Variants in ALOX12B observed in about 807,000 individuals in gnomAD.
ALOX12B encodes arachidonate 12-lipoxygenase, 12R type.
A neutral mutation model predicts 78.9 loss-of-function variants in ALOX12B; 47 were observed. That is an observed-to-expected ratio of 0.60 (90% confidence interval 0.47 to 0.76). The LOEUF (loss-of-function observed/expected upper bound fraction) is 0.76, where lower values mean the gene tolerates loss of function less well. Ranked by LOEUF, ALOX12B falls within the 30% of genes least tolerant of loss-of-function variation. ALOX12B has a pLI of 0.00. For synonymous variants in ALOX12B, 370 were observed against 374.5 expected (o/e 0.99, Z 0.14); for missense variants, 805 against 922.6 (o/e 0.87, Z 1.65).
In ALOX12B at chr17:8,079,365, T is replaced by TCAGCGG; in HGVS notation, c.1071+25_1071+30dup. 6.5e-7 allele frequency: 1 copy of TCAGCGG among 1,550,308 alleles called. No homozygotes were observed. Among genetic ancestry groups the TCAGCGG allele is most frequent in the Non-Finnish European group, 8.7e-7 (1 of 1,147,372 alleles). The stretch of plus-strand genomic sequence containing the variant: ...GAGGAGCATTCGCGCACACAGAGGC[T>TCAGCGG]CAGCGGCAGCGCCGCCTGCAGCCCA... On this transcript the variant is annotated intron_variant, in intron 8 of 14. Coordinates refer to ENST00000647874, the MANE Select transcript of ALOX12B (RefSeq NM_001139.3). The surrounding 1 kb of genome is among the most constrained non-coding windows in gnomAD (Gnocchi z 6.4).
Position 8,074,715 on chromosome 17 carries a change from G to A in ALOX12B, c.1654+880C>T, listed in dbSNP as rs555182886. ...CTTAACCAGGCTGTGCAGCCTGGCC[G>A]TGGCTCACGGCCTCAGCCTCAGCCC... On this transcript the variant is annotated intron_variant, in intron 12 of 14. Coordinates refer to ENST00000647874, the MANE Select transcript of ALOX12B (RefSeq NM_001139.3). Among the ~76,000 whole-genome samples, 4 of 152,246 alleles carry A rather than the reference G, an allele frequency of 2.6e-5. No individual in the cohort carries two copies. In the East Asian group the frequency reaches 5.8e-4, roughly 22 times the overall value.
In ALOX12B at chr17:8,087,514, C is replaced by G. The variant is rs574451734; in HGVS notation, c.-72G>C. The G allele has an allele frequency of 1.1e-4, 177 of 1,609,034 alleles. No homozygotes were observed. The African/African-American group carries it at 2.0e-3, about 18-fold the overall frequency. ...GGAGGGGCCACACGAAGGCCCAAGGCAGGCAAGAGAAGCCAGGCACAGAGT... is the reference window on the plus strand; with the variant it reads ...GGAGGGGCCACACGAAGGCCCAAGGGAGGCAAGAGAAGCCAGGCACAGAGT... On this transcript the variant is annotated 5_prime_UTR_variant, in exon 1 of 15. Transcript: ENST00000647874.
In ALOX12B at chr17:8,079,938, T is replaced by C. The variant is rs1348254566; in HGVS notation, c.758A>G (p.Tyr253Cys). The change falls in exon 7 of 15, where the codon TAC (tyrosine) becomes TGC (cysteine). Residue 253 changes from tyrosine to cysteine, a missense_variant. Transcript: ENST00000647874. The surrounding 1 kb of genome is among the most constrained non-coding windows in gnomAD (Gnocchi z 6.4). The stretch of plus-strand genomic sequence containing the variant: ...GTCCTCTGCCCAGTGCTCGGCCACG[T>C]ACTCTGCGAGGACGGCGCGAGGGCG... ...FPGKKSVVSE[Y>C]VAEHWAEDTF... 3 of 1,611,622 alleles carry C rather than the reference T, an allele frequency of 1.9e-6. No homozygotes were observed. The African/African-American group carries it at 4.0e-5, about 22-fold the overall frequency.
intron 2 of ALOX12B, 83 bp downstream of exon 2, chr17:8,085,933 G>A: frequency 6.5e-7 from 1 of 1,533,646 alleles, no homozygotes; most frequent in Non-Finnish European, 9.0e-7. Flanking sequence ...TGGCTTGATG[G>A]GAGCCTGGGT....
rs369354541 is a variant in ALOX12B at position 8,079,930 on chromosome 17, C to T, written c.766G>A (p.Glu256Lys). 2.5e-6 allele frequency: 4 copies of T among 1,612,032 alleles called. No homozygotes were observed. Among genetic ancestry groups the T allele is most frequent in the Admixed American group, 1.7e-5 (1 of 59,854 alleles). ...KKSVVSEYVA[E>K]HWAEDTFFGY... The stretch of plus-strand genomic sequence containing the variant: ...AAGAAGGTGTCCTCTGCCCAGTGCT[C>T]GGCCACGTACTCTGCGAGGACGGCG... The change falls in exon 7 of 15, where the codon GAG becomes AAG. Residue 256 changes from glutamate to lysine, a missense_variant. Coordinates refer to ENST00000647874, the MANE Select transcript of ALOX12B (RefSeq NM_001139.3). This position sits in a 1 kb window ranked among gnomAD's most constrained non-coding sequence, Gnocchi z 6.4.
At chr17:8,085,275 GTT>G (rs68071680) in intron 2 of ALOX12B, among the ~76,000 whole-genome samples, 62,160 of 151,900 alleles carry the variant, frequency 0.41, 13,191 homozygotes, top group Admixed American at 0.5. Context: ...GAGTTCAGGA[GTT>G]TGAGACCAGC....
At chr17:8,074,923 TTAGC>T (rs1977050362) in intron 12 of ALOX12B, among the ~76,000 whole-genome samples, 2 of 152,240 alleles carry the variant, frequency 1.3e-5, no homozygotes, top group South Asian at 4.1e-4. Flanking sequence ...CCTGCAGATC[TTAGC>T]TAGATGTTAG....
intron 14 of ALOX12B, 93 bp downstream of exon 14, chr17:8,073,055 C>T: frequency 6.2e-7 from 1 of 1,604,536 alleles, no homozygotes; most frequent in African/African-American, 1.3e-5. Flanking sequence ...GCCTCTCACT[C>T]CCTGCTCCCC....
rs148398928 is a variant in ALOX12B, at chr17:8,077,283, G to A, written c.1072-90C>T. 1.6e-4 allele frequency: 221 copies of A among 1,352,842 alleles called. No homozygotes were observed. The African/African-American group carries it at 3.0e-3, about 18-fold the overall frequency. 83.8% of individuals were successfully genotyped at this position (1,352,842 alleles called of 1,614,324 possible). A position where few individuals can be genotyped will look rare whatever the true frequency, so the allele number is the denominator to read the frequency against. The stretch of plus-strand genomic sequence containing the variant: ...GCAGGAAGGAGGCAGAAGGGAGTAT[G>A]AGAAGGTGAAAACACTCCTAAGCTC... On this transcript the variant is annotated intron_variant, in intron 8 of 14. Transcript: ENST00000647874.
rs377021609 is a variant in ALOX12B, at chr17:8,076,207, A to G, written c.1500T>C (p.Asp500=). ...VQDLPGYYYR[D]DSLAVWNALE... is the part of the protein sequence containing the mutation. The stretch of plus-strand genomic sequence containing the variant: ...GTGCATTCCACACCGCCAAGCTGTC[A>G]TCGCGGTAGTAATATCCAGGCAGGT... Residue 500 remains aspartate (D), a synonymous_variant, in exon 11 of 15, where the codon GAT becomes GAC. Coordinates refer to ENST00000647874, the MANE Select transcript of ALOX12B (RefSeq NM_001139.3). The G allele has an allele frequency of 1.2e-6, 2 of 1,614,142 alleles. No individual in the cohort carries two copies. Among genetic ancestry groups the G allele is most frequent in the Non-Finnish European group, 1.7e-6 (2 of 1,180,026 alleles).
rs929171600 is a variant in ALOX12B at position 8,080,079 on chromosome 17, G to C, written c.755-138C>G. Reference sequence around the variant, plus strand: ...GCCCCCAGCCTGGCGCTGAGCGGCCGGAGGAGCCCGGTGCGACATTTTCCA... The same window carrying C: ...GCCCCCAGCCTGGCGCTGAGCGGCCCGAGGAGCCCGGTGCGACATTTTCCA... On this transcript the variant is annotated intron_variant, in intron 6 of 14. Coordinates refer to ENST00000647874, the MANE Select transcript of ALOX12B (RefSeq NM_001139.3). This position sits in a 1 kb window ranked among gnomAD's most constrained non-coding sequence, Gnocchi z 4.8. 2.0e-6 allele frequency: 3 copies of C among 1,479,108 alleles called. No homozygotes were observed. In the African/African-American group the frequency reaches 4.2e-5, roughly 21 times the overall value. 91.6% of individuals were successfully genotyped at this position (1,479,108 alleles called of 1,614,324 possible).
intron 8 of ALOX12B, 23 bp from the exon 9 acceptor site, chr17:8,077,216 G>A (rs1466347596): frequency 1.9e-6 from 3 of 1,594,516 alleles, no homozygotes. Flanking sequence ...AAAGAGAAAG[G>A]GTTGGGTGAG....
At chr17:8,082,285 T>C (rs1229046009) in intron 2 of ALOX12B, among the ~76,000 whole-genome samples, 4 of 152,184 alleles carry the variant, frequency 2.6e-5, no homozygotes, top group African/African-American at 7.2e-5. Context: ...ACTTACTAGG[T>C]CCCAGGTATT....
intron 2 of ALOX12B, among the ~76,000 whole-genome samples, chr17:8,082,121 T>C (rs1323093947): frequency 6.6e-6 from 1 of 152,246 alleles, no homozygotes; most frequent in Non-Finnish European, 1.5e-5. Flanking sequence ...TACCACATTT[T>C]CTTTATCCAG....
At chr17:8,077,242 A>G (rs760504908) in intron 8 of ALOX12B, 49 bp from the exon 9 acceptor site, 3 of 1,544,744 alleles carry the variant, frequency 1.9e-6, no homozygotes, top group South Asian at 2.3e-5. Context: ...AGACCCACAC[A>G]CATAAAGGCC....
Position 8,079,323 on chromosome 17 carries a change from A to G in ALOX12B, c.1071+73T>C. On this transcript the variant is annotated intron_variant, in intron 8 of 14. Transcript: ENST00000647874. This position sits in a 1 kb window ranked among gnomAD's most constrained non-coding sequence, Gnocchi z 6.4. Reference sequence around the variant, plus strand: ...TACATGCAGGTCCACACGCTCACATAAGCGCGCGCACACTCGGAGGAGCAT... The same window carrying G: ...TACATGCAGGTCCACACGCTCACATGAGCGCGCGCACACTCGGAGGAGCAT... 12 of 1,538,736 alleles carry G rather than the reference A, an allele frequency of 7.8e-6. No individual in the cohort carries two copies. The highest frequency in any genetic ancestry group is 1.1e-5 in the Non-Finnish European group (12 of 1,139,652).
At chr17:8,078,219 C>A (rs1157073596) in intron 8 of ALOX12B, among the ~76,000 whole-genome samples, 1 of 151,252 alleles carries the variant, frequency 6.6e-6, no homozygotes, top group Non-Finnish European at 1.5e-5. Context: ...GATCTCTGCT[C>A]ACTGCAACCT....
Position 8,080,075 on chromosome 17 carries a change from G to C in ALOX12B, c.755-134C>G, listed in dbSNP as rs1245613331. 2.7e-6 allele frequency: 4 copies of C among 1,484,330 alleles called. No individual in the cohort carries two copies. The African/African-American group carries it at 5.5e-5, about 21-fold the overall frequency. 91.9% of individuals were successfully genotyped at this position (1,484,330 alleles called of 1,614,324 possible). ...CGAGGCCCCCAGCCTGGCGCTGAGC[G>C]GCCGGAGGAGCCCGGTGCGACATTT... On this transcript the variant is annotated intron_variant, in intron 6 of 14. Transcript: ENST00000647874. This position sits in a 1 kb window ranked among gnomAD's most constrained non-coding sequence, Gnocchi z 4.8.
intron 14 of ALOX12B, 52 bp from the exon 15 acceptor site, chr17:8,073,002 C>T: frequency 6.3e-7 from 1 of 1,595,880 alleles, no homozygotes; most frequent in South Asian, 1.1e-5. Context: ...GCACCCCCTC[C>T]TCCTGCCGGT....
Sources: allele counts gnomAD v4.1 joint callset (sites outside exome capture counted in the v4.1 genomes callset), GRCh38; gene constraint gnomAD v4.1.1; non-coding constraint Gnocchi (gnomAD v3.1); transcripts MANE v1.5; gene names NCBI Gene and HGNC (gene_info 2026-07-23, HGNC 2026-07-21).